The following PHACTR1 variants were observed in gnomAD, a reference collection of about 807,000 sequenced individuals.
PHACTR1 encodes the protein RPEL repeat containing 1.
Under a neutral mutation model 69.2 loss-of-function variants are expected in PHACTR1, and 16 were observed. The ratio of observed to expected loss-of-function variants is 0.23; its 90% CI spans 0.16 to 0.35. The LOEUF (loss-of-function observed/expected upper bound fraction) is 0.35, where lower values mean the gene tolerates loss of function less well. Among genes scored for constraint, PHACTR1 ranks in the 10% least tolerant of loss-of-function variants. PHACTR1 has a pLI of 1.00. For missense variants in PHACTR1, 510 were observed against 734.7 expected, an observed-to-expected ratio of 0.69 and a Z score of 3.54; for synonymous variants, 312 against 284.5, an observed-to-expected ratio of 1.10 and a Z score of -0.97.
At chr6:12,929,241 G>T (rs1788612713) in intron 4 of PHACTR1, among the ~76,000 whole-genome samples, 1 of 152,132 alleles carries the variant, frequency 6.6e-6, no homozygotes. Flanking sequence ...TTAGGCTGCA[G>T]CTAGAATCCA....
intron 4 of PHACTR1, among the ~76,000 whole-genome samples, chr6:12,877,643 T>A (rs1782673560): frequency 6.6e-6 from 1 of 152,084 alleles, no homozygotes; most frequent in African/African-American, 2.4e-5. Context: ...GGCTTCCCCA[T>A]TTGTGTGGCT....
At chr6:12,809,742 A>G (rs1027867543) in intron 4 of PHACTR1, among the ~76,000 whole-genome samples, 2 of 152,200 alleles carry the variant, frequency 1.3e-5, no homozygotes, top group Non-Finnish European at 2.9e-5. Flanking sequence ...TCTATAGTTC[A>G]GTTGTCCTTA....
intron 4 of PHACTR1, among the ~76,000 whole-genome samples, chr6:12,815,672 G>A (rs1351277249): frequency 1.3e-5 from 2 of 152,166 alleles, no homozygotes; most frequent in Admixed American, 1.3e-4. Context: ...GGAAAATACA[G>A]TTCTCTGGAA....
intron 3 of PHACTR1, among the ~76,000 whole-genome samples, chr6:12,722,792 T>C (rs1341444089): frequency 1.3e-5 from 2 of 152,240 alleles, no homozygotes; most frequent in African/African-American, 4.8e-5. Context: ...TCCTCCTGTT[T>C]GCCTCCTGTC....
chr6:12,862,710 G>GA (rs1253789195), intron 4 of PHACTR1, among the ~76,000 whole-genome samples: 3 of 151,758 alleles, frequency 2.0e-5, no homozygotes, highest in Admixed American at 6.6e-5. Context: ...AAAGGAAACT[G>GA]AAAAAAAAGC....
chr6:13,169,727 A>AT (rs1760321735), intron 6 of PHACTR1, among the ~76,000 whole-genome samples: 1 of 152,218 alleles, frequency 6.6e-6, no homozygotes, highest in African/African-American at 2.4e-5. Context: ...TTTTGATTAC[A>AT]TTTATGCTAT....
chr6:12,843,684 CA>C (rs1778920133), intron 4 of PHACTR1, among the ~76,000 whole-genome samples: 1 of 152,182 alleles, frequency 6.6e-6, no homozygotes, highest in Admixed American at 6.5e-5. Flanking sequence ...TTGAGCTTTG[CA>C]GATATTCAAA....
intron 4 of PHACTR1, among the ~76,000 whole-genome samples, chr6:12,832,585 G>C (rs567422654): frequency 6.6e-6 from 1 of 151,838 alleles, no homozygotes; most frequent in East Asian, 1.9e-4. Context: ...AAGCTCTTTA[G>C]GGAGTCAAGA....
At chr6:13,157,102 CA>C (rs1277298686) in intron 5 of PHACTR1, among the ~76,000 whole-genome samples, 1 of 152,198 alleles carries the variant, frequency 6.6e-6, no homozygotes, top group African/African-American at 2.4e-5. Context: ...TACCCCATCT[CA>C]AACATTCTTC....
At chr6:13,209,339 A>G (rs1374045773) in intron 8 of PHACTR1, among the ~76,000 whole-genome samples, 1 of 152,186 alleles carries the variant, frequency 6.6e-6, no homozygotes, top group Non-Finnish European at 1.5e-5. Flanking sequence ...TTTTATACAG[A>G]AAGAAAGAAT....
At chr6:12,808,708 A>G (rs1774642452) in intron 4 of PHACTR1, among the ~76,000 whole-genome samples, 1 of 152,166 alleles carries the variant, frequency 6.6e-6, no homozygotes, top group Non-Finnish European at 1.5e-5. Flanking sequence ...TGTTGTTGCC[A>G]CATCTCTAGG....
intron 4 of PHACTR1, among the ~76,000 whole-genome samples, chr6:12,970,968 C>A (rs1283572070): frequency 6.6e-6 from 1 of 152,156 alleles, no homozygotes; most frequent in Non-Finnish European, 1.5e-5. Flanking sequence ...TTGCCAATGT[C>A]TTCTTAACCA....
chr6:13,222,161 A>G (rs1689313791), intron 8 of PHACTR1, among the ~76,000 whole-genome samples: 1 of 152,200 alleles, frequency 6.6e-6, no homozygotes, highest in Admixed American at 6.5e-5. Context: ...CCCATGTGCA[A>G]TGAAGTCCAT....
chr6:13,256,883 A>G (rs1329544035), intron 10 of PHACTR1, among the ~76,000 whole-genome samples: 1 of 152,144 alleles, frequency 6.6e-6, no homozygotes, highest in African/African-American at 2.4e-5. Flanking sequence ...TCTGAGCCCT[A>G]CACACTCTTC....
intron 4 of PHACTR1, among the ~76,000 whole-genome samples, chr6:13,040,650 C>A (rs527649829): frequency 2.0e-5 from 3 of 152,224 alleles, no homozygotes; most frequent in Admixed American, 2.0e-4. Context: ...CCAGCCACCA[C>A]CCTCGTGTGA....
chr6:13,163,117 C>G (rs537354744), intron 6 of PHACTR1, among the ~76,000 whole-genome samples: 1 of 152,108 alleles, frequency 6.6e-6, no homozygotes, highest in Non-Finnish European at 1.5e-5. Flanking sequence ...TGGTGGCATG[C>G]GCCTGTAGCC....
intron 4 of PHACTR1, among the ~76,000 whole-genome samples, chr6:12,769,381 C>T (rs537833050): frequency 5.5e-4 from 83 of 152,276 alleles, no homozygotes; most frequent in African/African-American, 1.9e-3. Flanking sequence ...AACATTTTCA[C>T]CTTCTTTCTC....
chr6:13,070,864 T>C (rs2127772818), intron 5 of PHACTR1, among the ~76,000 whole-genome samples: 1 of 152,020 alleles, frequency 6.6e-6, no homozygotes, highest in Middle Eastern at 3.4e-3. Context: ...TTTTTGTTGG[T>C]TGATTGGTTT....
chr6:13,234,124 G>T (rs1158884350), intron 10 of PHACTR1, among the ~76,000 whole-genome samples: 1 of 152,158 alleles, frequency 6.6e-6, no homozygotes. Flanking sequence ...TCAACTCTGT[G>T]CTTCTAGCCA....
Sources: allele counts gnomAD v4.1 joint callset (sites outside exome capture counted in the v4.1 genomes callset), GRCh38; gene constraint gnomAD v4.1.1; transcripts MANE v1.5; gene names NCBI Gene and HGNC (gene_info 2026-07-23, HGNC 2026-07-21).